The following TRAF4 variants were observed in gnomAD, a reference collection of about 807,000 sequenced individuals.
TRAF4 encodes TNF receptor associated factor 4.
A neutral mutation model predicts 47.3 loss-of-function variants in TRAF4; 9 were observed. That is an observed-to-expected ratio of 0.19 (90% CI 0.11 to 0.33). TRAF4 has a LOEUF of 0.33. Ranked by LOEUF, TRAF4 falls within the 10% of genes least tolerant of loss-of-function variation. The pLI is 1.00. For missense variants in TRAF4, 448 were observed against 620.3 expected (o/e 0.72, Z 2.95); for synonymous variants, 236 against 236.9 (o/e 1.00, Z 0.04).
chr17:28,744,063 G>A lies in TRAF4; in HGVS notation c.-50G>A, dbSNP rs764619892. The A allele has an allele frequency of 6.1e-6, 8 of 1,306,774 alleles. No homozygotes were observed. Among genetic ancestry groups the A allele is most frequent in the Admixed American group, 3.2e-5 (1 of 31,652 alleles). 80.9% of individuals were successfully genotyped at this position (1,306,774 alleles called of 1,614,324 possible). ...CCGCTCCAGCGAGGCGCGGGCTGTG[G>A]GGCCGCCGCGTGCCTGGCCCCGCTC... On this transcript the variant is annotated 5_prime_UTR_variant, in exon 1 of 7. Coordinates refer to ENST00000262395, the MANE Select transcript of TRAF4 (RefSeq NM_004295.4).
chr17:28,746,021 G>T (rs1250844624), intron 1 of TRAF4, among the ~76,000 whole-genome samples: 1 of 152,252 alleles, frequency 6.6e-6, no homozygotes, highest in Non-Finnish European at 1.5e-5. Flanking sequence ...CCCCTTCAGT[G>T]CCTGTGGTTG....
chr17:28,748,666 G>A lies in TRAF4; in HGVS notation c.780G>A (p.Arg260=), dbSNP rs756266522. Residue 260 remains arginine (R), a splice_region_variant and synonymous_variant, in exon 6 of 7, where the codon AGG becomes AGA. Coordinates refer to ENST00000262395, the MANE Select transcript of TRAF4 (RefSeq NM_004295.4). ...CPFKDSGCKH[R]CPKLAMARHV... is the part of the protein sequence containing the mutation. The stretch of plus-strand genomic sequence containing the variant: ...TCAAAGACTCCGGCTGCAAGCACAG[G>A]GTGAGATGCCCCTTTTCCTGTCAGC... 6 of 1,609,408 alleles carry A rather than the reference G, an allele frequency of 3.7e-6. No homozygotes were observed. Among genetic ancestry groups the A allele is most frequent in the Non-Finnish European group, 4.2e-6 (5 of 1,179,832 alleles).
Position 28,748,986 on chromosome 17 carries a change from G to C in TRAF4, c.822G>C (p.Val274=). The C allele has an allele frequency of 1.2e-6, 2 of 1,613,438 alleles. No homozygotes were observed. Among genetic ancestry groups the C allele is most frequent in the Non-Finnish European group, 1.7e-6 (2 of 1,179,978 alleles). ...LAMARHVEES[V]KPHLAMMCAL... is the part of the protein sequence containing the mutation. ...TGGCACGGCATGTGGAGGAGAGTGT[G>C]AAGCCACATCTGGCCATGATGTGTG... Residue 274 remains valine, a synonymous_variant, in exon 7 of 7, where the codon GTG becomes GTC. Transcript: ENST00000262395.
chr17:28,749,736 A>T lies in TRAF4; in HGVS notation c.*159A>T, dbSNP rs980702157. On this transcript the variant is annotated 3_prime_UTR_variant, in exon 7 of 7. Transcript: ENST00000262395. Reference sequence around the variant, plus strand: ...CAGCCACCACCCTCAGGTGCCTCCAATTGGTGCTTCAGCCCTGGCCCCTGT... The same window carrying T: ...CAGCCACCACCCTCAGGTGCCTCCATTTGGTGCTTCAGCCCTGGCCCCTGT... 1 of 1,242,762 alleles carries T rather than the reference A, an allele frequency of 8.0e-7. No individual in the cohort carries two copies. Among genetic ancestry groups the T allele is most frequent in the East Asian group, 2.5e-5 (1 of 39,578 alleles). The allele number at this position is 1,242,762 out of a possible 1,614,324, so 77.0% of individuals were successfully genotyped here.
At position 28,750,167 on chromosome 17, in the gene TRAF4, G is replaced by C. The variant is rs940349774; in HGVS notation, c.*590G>C. ...GGCAAAGAAAGGACCAGTCAGAGAA[G>C]GGCCGCTGCCTGGGTCTGGCCCCAG... On this transcript the variant is annotated 3_prime_UTR_variant, in exon 7 of 7. Coordinates refer to ENST00000262395, the MANE Select transcript of TRAF4 (RefSeq NM_004295.4). 2 of 450,526 alleles carry C rather than the reference G, an allele frequency of 4.4e-6. No individual in the cohort carries two copies. The highest frequency in any genetic ancestry group is 7.9e-6 in the Non-Finnish European group (2 of 252,322). 27.9% of individuals were successfully genotyped at this position (450,526 alleles called of 1,614,324 possible). A position where few individuals can be genotyped will look rare whatever the true frequency, so the allele number is the denominator to read the frequency against.
Position 28,749,146 on chromosome 17 carries a change from C to G in TRAF4, c.982C>G (p.Pro328Ala). ...GRRLQEAKAKPNLECFSPAFY... is the reference protein window; with the variant it reads ...GRRLQEAKAKANLECFSPAFY... ...GCGGCTACAGGAGGCCAAGGCCAAG[C>G]CCAACCTTGAGTGCTTCAGCCCAGC... Residue 328 changes from proline (P) to alanine (A), a missense_variant, in exon 7 of 7, where the codon CCC becomes GCC. Pro to Ala is a conservative substitution (Grantham distance 27). Coordinates refer to ENST00000262395, the MANE Select transcript of TRAF4 (RefSeq NM_004295.4). 1.2e-6 allele frequency: 2 copies of G among 1,614,106 alleles called. No homozygotes were observed. The highest frequency in any genetic ancestry group is 1.1e-5 in the South Asian group (1 of 91,092).
chr17:28,746,576 G>C (rs2034516452), intron 1 of TRAF4, among the ~76,000 whole-genome samples: 1 of 152,234 alleles, frequency 6.6e-6, no homozygotes, highest in South Asian at 2.1e-4. Context: ...GCCAGGTGCT[G>C]CTTCACCTGT....
In TRAF4 at chr17:28,750,811, A is replaced by C. The variant is rs2034589215; in HGVS notation, c.*1234A>C. ...AACTCCAGTAGTCCCTAGAAATTGT[A>C]GCTCCCTCTAGTTGTGGCAATAGGT... On this transcript the variant is annotated 3_prime_UTR_variant, in exon 7 of 7. Coordinates refer to ENST00000262395, the MANE Select transcript of TRAF4 (RefSeq NM_004295.4). 6.6e-6 allele frequency: 1 copy of C among 152,196 alleles called. No individual in the cohort carries two copies. The highest frequency in any genetic ancestry group is 1.5e-5 in the Non-Finnish European group (1 of 68,040). The allele number at this position is 152,196 out of a possible 1,614,324, so 9.4% of individuals were successfully genotyped here. A position where few individuals can be genotyped will look rare whatever the true frequency, so the allele number is the denominator to read the frequency against.
chr17:28,746,373 C>T (rs939471781), intron 1 of TRAF4, among the ~76,000 whole-genome samples: 31 of 152,320 alleles, frequency 2.0e-4, no homozygotes, highest in African/African-American at 5.8e-4. Context: ...TGGGTGCTGA[C>T]GGCCAGGTAG....
In TRAF4 at chr17:28,750,345, C is replaced by T. The variant is rs188200557; in HGVS notation, c.*768C>T. On this transcript the variant is annotated 3_prime_UTR_variant, in exon 7 of 7. Coordinates refer to ENST00000262395, the MANE Select transcript of TRAF4 (RefSeq NM_004295.4). ...TCATAAGGCTGGAGTCCCTGGTCAG[C>T]CCCACCAGATTAGTGCTTCTACCCT... 2.3e-3 allele frequency: 390 copies of T among 168,476 alleles called. 2 individuals carry two copies. Among genetic ancestry groups the T allele is most frequent in the South Asian group, 0.016 (100 of 6,410 alleles). The allele number at this position is 168,476 out of a possible 1,614,324, so 10.4% of individuals were successfully genotyped here. A position where few individuals can be genotyped will look rare whatever the true frequency, so the allele number is the denominator to read the frequency against.
At position 28,748,254 on chromosome 17, in the gene TRAF4, A is replaced by G. The variant is rs754805309; in HGVS notation, c.463-8A>G. ...CATCTCTTAACTCAGCACCTCTGACATTTCCAGAGCCATGAGGGTATGTGC... is the reference window on the plus strand; with the variant it reads ...CATCTCTTAACTCAGCACCTCTGACGTTTCCAGAGCCATGAGGGTATGTGC... On this transcript the variant is annotated splice_region_variant and splice_polypyrimidine_tract_variant and intron_variant, in intron 4 of 6. Coordinates refer to ENST00000262395, the MANE Select transcript of TRAF4 (RefSeq NM_004295.4). The G allele has an allele frequency of 1.2e-6, 2 of 1,612,416 alleles. No homozygotes were observed. The highest frequency in any genetic ancestry group is 1.7e-6 in the Non-Finnish European group (2 of 1,178,708).
rs888439861 is a variant in TRAF4, at chr17:28,744,037, G to A, written c.-76G>A. 9 of 1,056,742 alleles carry A rather than the reference G, an allele frequency of 8.5e-6. No individual in the cohort carries two copies. In the Admixed American group the frequency reaches 2.8e-4, roughly 32 times the overall value. The allele number at this position is 1,056,742 out of a possible 1,614,324, so 65.5% of individuals were successfully genotyped here. Reference sequence around the variant, plus strand: ...GTCGGCGCCGCCCGGAGCCGGGAGCGCCGCTCCAGCGAGGCGCGGGCTGTG... The same window carrying A: ...GTCGGCGCCGCCCGGAGCCGGGAGCACCGCTCCAGCGAGGCGCGGGCTGTG... On this transcript the variant is annotated 5_prime_UTR_variant, in exon 1 of 7. Coordinates refer to ENST00000262395, the MANE Select transcript of TRAF4 (RefSeq NM_004295.4).
At chr17:28,747,112 C>G (rs2034524732) in intron 1 of TRAF4, 101 bp from the exon 2 acceptor site, 2 of 1,373,724 alleles carry the variant, frequency 1.5e-6, no homozygotes, top group Non-Finnish European at 2.0e-6. Context: ...TGGTTGGGAA[C>G]CGGTCTGGTG....
At chr17:28,747,383 TC>T in intron 2 of TRAF4, 119 bp downstream of exon 2, 1 of 1,246,150 alleles carries the variant, frequency 8.0e-7, no homozygotes, top group Non-Finnish European at 1.1e-6. Flanking sequence ...ATGGTGCGCC[TC>T]CACAAAGGTA....
chr17:28,749,921 A>G lies in TRAF4; in HGVS notation c.*344A>G, dbSNP rs568479772. Reference sequence around the variant, plus strand: ...TCCCAAGAGCCATAAGGGGGTGGGAATTGGGGAGGGAGAAAGGGTAGTTCA... The same window carrying G: ...TCCCAAGAGCCATAAGGGGGTGGGAGTTGGGGAGGGAGAAAGGGTAGTTCA... On this transcript the variant is annotated 3_prime_UTR_variant, in exon 7 of 7. Coordinates refer to ENST00000262395, the MANE Select transcript of TRAF4 (RefSeq NM_004295.4). The G allele has an allele frequency of 2.9e-6, 2 of 698,274 alleles. No homozygotes were observed. Among genetic ancestry groups the G allele is most frequent in the Non-Finnish European group, 5.2e-6 (2 of 382,970 alleles). 43.3% of individuals were successfully genotyped at this position (698,274 alleles called of 1,614,324 possible).
In TRAF4 at chr17:28,748,441, C is replaced by G; in HGVS notation, c.624+18C>G. 6.2e-7 allele frequency: 1 copy of G among 1,606,308 alleles called. No homozygotes were observed. Among genetic ancestry groups the G allele is most frequent in the Non-Finnish European group, 8.5e-7 (1 of 1,174,118 alleles). On this transcript the variant is annotated intron_variant, in intron 5 of 6. Coordinates refer to ENST00000262395, the MANE Select transcript of TRAF4 (RefSeq NM_004295.4). Reference sequence around the variant, plus strand: ...CCATCCAGGTGAGGCCTTCCCTGAACTGTGGGTTGCAGGGTAGGTGACAGG... The same window carrying G: ...CCATCCAGGTGAGGCCTTCCCTGAAGTGTGGGTTGCAGGGTAGGTGACAGG...
rs770231122 is a variant in TRAF4, at chr17:28,749,023, C to G, written c.859C>G (p.Arg287Gly). The change falls in exon 7 of 7, where the codon CGG becomes GGG. Residue 287 changes from arginine (R) to glycine (G), a missense_variant. Arg to Gly is a moderately radical substitution (Grantham distance 125). Transcript: ENST00000262395. ...GGCCATGATGTGTGCCCTGGTGAGC[C>G]GGCAACGGCAGGAGCTGCAGGAGCT... is the stretch of plus-strand genomic sequence containing the variant. ...HLAMMCALVS[R>G]QRQELQELRR... is the part of the protein sequence containing the mutation. 1 of 1,613,712 alleles carries G rather than the reference C, an allele frequency of 6.2e-7. No homozygotes were observed. Among genetic ancestry groups the G allele is most frequent in the Non-Finnish European group, 8.5e-7 (1 of 1,180,044 alleles).
Position 28,748,572 on chromosome 17 carries a change from C to T in TRAF4, c.686C>T (p.Thr229Ile), listed in dbSNP as rs758197095. The T allele has an allele frequency of 5.5e-5, 88 of 1,613,478 alleles. 1 individual carries two copies. In the Admixed American group the frequency reaches 1.3e-3, roughly 24 times the overall value. Residue 229 changes from threonine to isoleucine, a missense_variant, in exon 6 of 7, where the codon ACT becomes ATT. Thr to Ile is a moderately conservative substitution (Grantham distance 89, BLOSUM62 -1). Transcript: ENST00000262395. ...TGCCCCAACCAATGTGGTGTGGGCA[C>T]TGTGGCTCGGGAGGACCTGCCAGGC... is the stretch of plus-strand genomic sequence containing the variant. Reference protein sequence around the residue: ...VACPNQCGVGTVAREDLPGHL... With the variant: ...VACPNQCGVGIVAREDLPGHL...
Position 28,749,833 on chromosome 17 carries a change from G to A in TRAF4, c.*256G>A. 1.4e-6 allele frequency: 1 copy of A among 717,404 alleles called. No individual in the cohort carries two copies. Among genetic ancestry groups the A allele is most frequent in the Non-Finnish European group, 2.5e-6 (1 of 399,144 alleles). The allele number at this position is 717,404 out of a possible 1,614,324, so 44.4% of individuals were successfully genotyped here. On this transcript the variant is annotated 3_prime_UTR_variant, in exon 7 of 7. Coordinates refer to ENST00000262395, the MANE Select transcript of TRAF4 (RefSeq NM_004295.4). ...AGGGCCTGTCTCCCTTCTTGGGTAG[G>A]GCAGACATGCCTTGGTGCCGGTCAC...
Sources: gnomAD v4.1 joint callset for allele counts (sites outside exome capture counted in the v4.1 genomes callset) on GRCh38, gnomAD v4.1.1 for gene constraint, MANE v1.5 for transcripts, NCBI Gene and HGNC (gene_info 2026-07-23, HGNC 2026-07-21) for gene names.